CDIN1: variants seen among roughly 807,000 people sequenced by gnomAD.
CDIN1 encodes CDAN1 interacting nuclease 1.
CDIN1 carries 33 observed loss-of-function variants against 45.3 expected under a neutral mutation model. That is an observed-to-expected ratio of 0.73 (90% confidence interval 0.55 to 0.97). The LOEUF (loss-of-function observed/expected upper bound fraction) is 0.97. Among genes scored for constraint, CDIN1 ranks in the 50% least tolerant of loss-of-function variants. The pLI is 0.00. For synonymous variants in CDIN1, 118 were observed against 124.4 expected (o/e 0.95, Z 0.34); for missense variants, 303 against 339.4 (o/e 0.89, Z 0.84).
intron 10 of CDIN1, among the ~76,000 whole-genome samples, chr15:36,775,201 C>G (rs1489498522): frequency 6.6e-6 from 1 of 152,160 alleles, no homozygotes; most frequent in Non-Finnish European, 1.5e-5. Flanking sequence ...TTAAATTTGT[C>G]TAGTCCAAAG....
intron 1 of CDIN1, among the ~76,000 whole-genome samples, chr15:36,581,093 A>G (rs149311220): frequency 3.9e-4 from 59 of 152,276 alleles, no homozygotes; most frequent in African/African-American, 1.3e-3. Context: ...AGCCTTTAGT[A>G]TTTTATCAGA....
At chr15:36,721,065 A>G (rs2043398750) in intron 10 of CDIN1, among the ~76,000 whole-genome samples, 1 of 151,542 alleles carries the variant, frequency 6.6e-6, no homozygotes. Context: ...TGTTGGCTGC[A>G]TAAATGTCTT....
intron 1 of CDIN1, chr15:36,613,664 C>G: frequency 1.4e-6 from 2 of 1,437,564 alleles, no homozygotes. Context: ...GGAGCTGGAC[C>G]GTGCTCAGGA....
chr15:36,715,502 T>G (rs1471837291), intron 10 of CDIN1, among the ~76,000 whole-genome samples: 1 of 152,172 alleles, frequency 6.6e-6, no homozygotes, highest in Non-Finnish European at 1.5e-5. Context: ...AATCACAGAT[T>G]TCCAGTTATT....
At chr15:36,750,588 C>G (rs1459042535) in intron 10 of CDIN1, among the ~76,000 whole-genome samples, 1 of 152,146 alleles carries the variant, frequency 6.6e-6, no homozygotes. Flanking sequence ...TAGCTCAATA[C>G]TTAACGTACA....
chr15:36,788,446 T>C (rs1418842579), intron 10 of CDIN1, among the ~76,000 whole-genome samples: 9 of 152,158 alleles, frequency 5.9e-5, no homozygotes, highest in Non-Finnish European at 1.0e-4. Flanking sequence ...GTTTTAATTT[T>C]TTTGAAGCTC....
Position 36,769,819 on chromosome 15 carries a change from C to T in CDIN1, c.717-38505C>T, listed in dbSNP as rs530109931. Among the ~76,000 whole-genome samples the T allele has an allele frequency of 2.6e-5, 4 of 152,246 alleles. No individual in the cohort carries two copies. The South Asian group carries it at 6.2e-4, about 24-fold the overall frequency. Reference sequence around the variant, plus strand: ...GCTTAGCTGCCTGCCAAAAACGCAACGAGCCCTGGGGGAAGGTGTTTGCTC... The same window carrying T: ...GCTTAGCTGCCTGCCAAAAACGCAATGAGCCCTGGGGGAAGGTGTTTGCTC... On this transcript the variant is annotated intron_variant, in intron 10 of 10. Coordinates refer to ENST00000566621, the MANE Select transcript of CDIN1 (RefSeq NM_001321759.2).
At chr15:36,723,009 C>T (rs2043489204) in intron 10 of CDIN1, among the ~76,000 whole-genome samples, 1 of 150,540 alleles carries the variant, frequency 6.6e-6, no homozygotes, top group Non-Finnish European at 1.5e-5. Flanking sequence ...TACATTCTTC[C>T]AATCTACTCT....
chr15:36,763,126 C>T (rs947645759), intron 10 of CDIN1, among the ~76,000 whole-genome samples: 2 of 152,206 alleles, frequency 1.3e-5, no homozygotes, highest in Non-Finnish European at 2.9e-5. Context: ...AAAAGTATTC[C>T]TATTTCTCCA....
At chr15:36,614,170 A>T in intron 1 of CDIN1, 13 of 689,460 alleles carry the variant, frequency 1.9e-5, no homozygotes, top group South Asian at 1.8e-4. Context: ...AGGTTGCTGG[A>T]CCAGACTCTG....
intron 5 of CDIN1, among the ~76,000 whole-genome samples, chr15:36,667,334 G>C (rs1349023544): frequency 6.6e-6 from 1 of 152,160 alleles, no homozygotes; most frequent in East Asian, 1.9e-4. Flanking sequence ...GTAAAAAGGA[G>C]CCTTAACATG....
chr15:36,595,290 T>TATAA (rs2037759865), intron 1 of CDIN1, among the ~76,000 whole-genome samples: 85 of 141,408 alleles, frequency 6.0e-4, no homozygotes, highest in South Asian at 1.1e-3. Flanking sequence ...TACACTTACA[T>TATAA]TATAATATAA....
intron 1 of CDIN1, among the ~76,000 whole-genome samples, chr15:36,586,113 C>T (rs542099633): frequency 6.6e-6 from 1 of 152,192 alleles, no homozygotes; most frequent in South Asian, 2.1e-4. Context: ...GTTCCGGCTC[C>T]TAGAACCTTC....
At chr15:36,799,366 G>T (rs1440451936) in intron 10 of CDIN1, 1 of 152,080 alleles carries the variant, frequency 6.6e-6, no homozygotes, top group Admixed American at 6.5e-5. Flanking sequence ...CATGCATCCT[G>T]TTTGAAACAG....
intron 8 of CDIN1, among the ~76,000 whole-genome samples, chr15:36,703,387 A>T (rs1356656316): frequency 1.6e-4 from 2 of 12,816 alleles, no homozygotes; most frequent in Non-Finnish European, 1.5e-4. Context: ...TATATATATC[A>T]GATATATATA....
intron 5 of CDIN1, among the ~76,000 whole-genome samples, chr15:36,674,441 A>G (rs1350732403): frequency 6.6e-6 from 1 of 152,150 alleles, no homozygotes; most frequent in African/African-American, 2.4e-5. Context: ...TTTTGCAAAA[A>G]GATTTCTTTT....
rs1030778452 is a variant in CDIN1 at position 36,657,890 on chromosome 15, C to T, written c.331C>T (p.His111Tyr). The T allele has an allele frequency of 3.1e-6, 5 of 1,611,654 alleles. No homozygotes were observed. Among genetic ancestry groups the T allele is most frequent in the Admixed American group, 1.7e-5 (1 of 59,826 alleles). Residue 111 changes from histidine to tyrosine, a missense_variant, in exon 5 of 11, where the codon CAC becomes TAC. Coordinates refer to ENST00000566621, the MANE Select transcript of CDIN1 (RefSeq NM_001321759.2). ...RLILERFLQEHEETPPSKSII... is the reference protein window; with the variant it reads ...RLILERFLQEYEETPPSKSII... ...TATACTGGAGAGGTTTCTACAGGAA[C>T]ACGAGGAAACTCCACGTGAGTTACC... is the stretch of plus-strand genomic sequence containing the variant.
At chr15:36,766,283 C>T (rs1045995283) in intron 10 of CDIN1, among the ~76,000 whole-genome samples, 4 of 152,256 alleles carry the variant, frequency 2.6e-5, no homozygotes, top group African/African-American at 7.2e-5. Context: ...GTATGTACTA[C>T]GTATTCTTTA....
chr15:36,696,976 C>T (rs981906133), intron 7 of CDIN1, among the ~76,000 whole-genome samples: 5 of 149,672 alleles, frequency 3.3e-5, no homozygotes, highest in African/African-American at 1.2e-4. Flanking sequence ...AAAAAATTAC[C>T]CAGGCGTGGT....
Sources: allele counts gnomAD v4.1 joint callset (sites outside exome capture counted in the v4.1 genomes callset), GRCh38; gene constraint gnomAD v4.1.1; transcripts MANE v1.5; gene names NCBI Gene and HGNC (gene_info 2026-07-23, HGNC 2026-07-21).